VWF: variants seen among roughly 807,000 people sequenced by gnomAD.
VWF encodes the protein von Willebrand factor, also known as Factor VIII related antigen.
A neutral mutation model predicts 308.6 loss-of-function variants in VWF; 176 were observed. The ratio of observed to expected loss-of-function variants is 0.57; its 90% CI spans 0.50 to 0.65. VWF has a LOEUF of 0.65. Among genes scored for constraint, VWF ranks in the 30% least tolerant of loss-of-function variants. The pLI, the probability that VWF is intolerant of heterozygous loss-of-function variation, is 0.00. For synonymous variants in VWF, 1,385 were observed against 1,443.4 expected (o/e 0.96, Z 0.92); for missense variants, 3,146 against 3,648.2 (o/e 0.86, Z 3.55).
rs77636205 is a variant in VWF at position 6,108,634 on chromosome 12, G to T, written c.532+1740C>A. Reference sequence around the variant, plus strand: ...AAACAAGTCTACAATTTTTTAACTAGGCCACAATTTTTTAACCAAATTTAG... The same window carrying T: ...AAACAAGTCTACAATTTTTTAACTATGCCACAATTTTTTAACCAAATTTAG... On this transcript the variant is annotated intron_variant, in intron 5 of 51. Coordinates refer to ENST00000261405, the MANE Select transcript of VWF (RefSeq NM_000552.5). 7.7e-3 allele frequency among the ~76,000 whole-genome samples: 1,141 copies of T among 148,712 alleles called. 17 individuals are homozygous for T. Among genetic ancestry groups the T allele is most frequent in the African/African-American group, 0.026 (1,075 of 40,684 alleles).
At position 6,046,667 on chromosome 12, in the gene VWF, C is replaced by T. The variant is rs114044940; in HGVS notation, c.2281+56G>A. 2,401 of 1,530,970 alleles carry T rather than the reference C, an allele frequency of 1.6e-3. 32 individuals carry two copies. In the African/African-American group the frequency reaches 0.03, roughly 19 times the overall value. The allele number at this position is 1,530,970 out of a possible 1,614,324, so 94.8% of individuals were successfully genotyped here. On this transcript the variant is annotated intron_variant, in intron 17 of 51. Coordinates refer to ENST00000261405, the MANE Select transcript of VWF (RefSeq NM_000552.5). The surrounding 1 kb of genome is among the most constrained non-coding windows in gnomAD (Gnocchi z 5.0). The stretch of plus-strand genomic sequence containing the variant: ...CCCAGCTCTCTCCCGCCATTCCACA[C>T]GTGAGGAATCTGGGCAGGATGGAGT...
rs1246573741 is a variant in VWF, at chr12:6,057,928, C to A, written c.1650G>T (p.Gly550=). The A allele has an allele frequency of 1.2e-6, 2 of 1,613,568 alleles. No individual in the cohort carries two copies. Among genetic ancestry groups the A allele is most frequent in the African/African-American group, 2.7e-5 (2 of 74,902 alleles). The change falls in exon 14 of 52, where the codon GGG becomes GGT. Residue 550 remains glycine (G), a synonymous_variant. Transcript: ENST00000261405. ...GLAEPRVEDF[G]NAWKLHGDCQ... is the part of the protein sequence containing the mutation. Reference sequence around the variant, plus strand: ...AGTCCCCGTGCAGCTTCCAGGCGTTCCCGAAGTCCTCCACCCGGGGCTCCG... The same window carrying A: ...AGTCCCCGTGCAGCTTCCAGGCGTTACCGAAGTCCTCCACCCGGGGCTCCG...
At chr12:5,962,538 CTTTTTTT>C (rs35124526) in intron 47 of VWF, among the ~76,000 whole-genome samples, 4 of 101,600 alleles carry the variant, frequency 3.9e-5, no homozygotes, top group East Asian at 2.8e-4. Flanking sequence ...ACAGGCAATT[CTTTTTTT>C]TTTTTTTTTT....
At chr12:5,966,636 T>C (rs1485429734) in intron 47 of VWF, among the ~76,000 whole-genome samples, 3 of 137,384 alleles carry the variant, frequency 2.2e-5, no homozygotes, top group African/African-American at 8.4e-5. Context: ...TATAAGAGGC[T>C]CCTCTCCACC....
At chr12:6,094,822 C>T (rs1945088052) in intron 6 of VWF, among the ~76,000 whole-genome samples, 1 of 151,888 alleles carries the variant, frequency 6.6e-6, no homozygotes, top group South Asian at 2.1e-4. Flanking sequence ...AAGCAATTCT[C>T]CTGCCTCAGC....
intron 37 of VWF, 67 bp downstream of exon 37, chr12:5,993,795 C>A: frequency 6.9e-7 from 1 of 1,453,950 alleles, no homozygotes; most frequent in Non-Finnish European, 9.5e-7. Flanking sequence ...GAATCTGGGG[C>A]ACAGAGAGGC....
intron 1 of VWF, among the ~76,000 whole-genome samples, chr12:6,123,576 G>A (rs1945455313): frequency 6.6e-6 from 1 of 152,200 alleles, no homozygotes; most frequent in Non-Finnish European, 1.5e-5. Flanking sequence ...AAACTGGCGA[G>A]TAGGAACCGT....
At chr12:6,044,665 GC>G (rs1565841928) in intron 17 of VWF, among the ~76,000 whole-genome samples, 1 of 152,132 alleles carries the variant, frequency 6.6e-6, no homozygotes, top group Non-Finnish European at 1.5e-5. Flanking sequence ...TACATTGGTG[GC>G]AGCTCTTCTG....
At chr12:6,112,658 G>C (rs984479787) in intron 3 of VWF, among the ~76,000 whole-genome samples, 2 of 152,174 alleles carry the variant, frequency 1.3e-5, no homozygotes, top group Non-Finnish European at 2.9e-5. Flanking sequence ...GATGTCCGTG[G>C]AACGAAGCCC....
chr12:5,991,167 T>TCTCA (rs1422760928), intron 38 of VWF, among the ~76,000 whole-genome samples: 5 of 134,886 alleles, frequency 3.7e-5, no homozygotes, highest in Non-Finnish European at 6.4e-5. Flanking sequence ...CAAGGGATTC[T>TCTCA]CACACACACA....
chr12:6,121,830 C>T (rs980342162), intron 2 of VWF, among the ~76,000 whole-genome samples: 1 of 151,856 alleles, frequency 6.6e-6, no homozygotes, highest in Non-Finnish European at 1.5e-5. Context: ...ACTGGTGAGG[C>T]TGAGGCAGGA....
chr12:6,067,080 C>G (rs750768227), intron 10 of VWF, among the ~76,000 whole-genome samples: 2 of 152,198 alleles, frequency 1.3e-5, no homozygotes, highest in African/African-American at 2.4e-5. Context: ...TCCGCTGCCC[C>G]CTCTAGAAGA....
At chr12:6,051,883 G>T (rs1944518114) in intron 16 of VWF, among the ~76,000 whole-genome samples, 1 of 152,118 alleles carries the variant, frequency 6.6e-6, no homozygotes, top group Admixed American at 6.5e-5. Context: ...AAGTGCTGGG[G>T]ATTACAGATG....
chr12:6,055,808 TC>T (rs1158165270), intron 15 of VWF, among the ~76,000 whole-genome samples: 1 of 103,048 alleles, frequency 9.7e-6, no homozygotes, highest in African/African-American at 3.4e-5. Context: ...AGGGTCTTTC[TC>T]TGTTGGCCAG....
intron 5 of VWF, among the ~76,000 whole-genome samples, chr12:6,103,725 A>C (rs1200957407): frequency 2.0e-5 from 3 of 151,902 alleles, no homozygotes; most frequent in Non-Finnish European, 2.9e-5. Flanking sequence ...GAAGAATGAA[A>C]CTGGACCCCT....
intron 47 of VWF, among the ~76,000 whole-genome samples, chr12:5,963,457 A>G (rs1304895194): frequency 6.6e-6 from 1 of 152,256 alleles, no homozygotes; most frequent in Non-Finnish European, 1.5e-5. Flanking sequence ...AGAAGATATC[A>G]CTTCACAATG....
In VWF at chr12:6,058,094, C is replaced by G. The variant is rs1944610687; in HGVS notation, c.1534-50G>C. 3 of 1,597,640 alleles carry G rather than the reference C, an allele frequency of 1.9e-6. No individual in the cohort carries two copies. The highest frequency in any genetic ancestry group is 2.2e-5 in the East Asian group (1 of 44,714). ...GGAGCCGCTGCCGCGAAAGCAGCGGCATAGTTGTTTAGCTAATGAGATGGT... is the reference window on the plus strand; with the variant it reads ...GGAGCCGCTGCCGCGAAAGCAGCGGGATAGTTGTTTAGCTAATGAGATGGT... On this transcript the variant is annotated intron_variant, in intron 13 of 51. Transcript: ENST00000261405. This position sits in a 1 kb window ranked among gnomAD's most constrained non-coding sequence, Gnocchi z 4.9.
At chr12:6,090,645 C>CTCT (rs111690324) in intron 6 of VWF, among the ~76,000 whole-genome samples, 4 of 151,334 alleles carry the variant, frequency 2.6e-5, no homozygotes, top group African/African-American at 4.8e-5. Context: ...CCTCCTCCTC[C>CTCT]TCCTCATCAT....
intron 34 of VWF, among the ~76,000 whole-genome samples, chr12:6,002,598 A>G (rs1469068279): frequency 1.3e-5 from 2 of 152,130 alleles, no homozygotes; most frequent in African/African-American, 4.8e-5. Context: ...TCCTGTAGAT[A>G]AAAGACAAAT....
Sources: gnomAD v4.1 joint callset for allele counts (sites outside exome capture counted in the v4.1 genomes callset) on GRCh38, gnomAD v4.1.1 for gene constraint, Gnocchi (gnomAD v3.1) non-coding constraint, MANE v1.5 for transcripts, NCBI Gene and HGNC (gene_info 2026-07-23, HGNC 2026-07-21) for gene names.